The following MTBP variants were observed in gnomAD, a reference collection of about 807,000 sequenced individuals.
MTBP encodes mdm2-binding protein.
In MTBP, 101 loss-of-function variants were observed where a neutral mutation model predicts 117.0. That is an observed-to-expected ratio of 0.86 (90% CI 0.73 to 1.02). MTBP has a LOEUF of 1.02. Ranked by LOEUF, MTBP falls within the 50% of genes least tolerant of loss-of-function variation. The pLI is 0.00. For missense variants in MTBP, 970 were observed against 1,030.9 expected, an observed-to-expected ratio of 0.94 and a Z score of 0.81; for synonymous variants, 350 against 351.5, an observed-to-expected ratio of 1.00 and a Z score of 0.05.
chr8:120,461,488 C>T (rs913600851), intron 9 of MTBP, among the ~76,000 whole-genome samples: 1 of 152,128 alleles, frequency 6.6e-6, no homozygotes, highest in Non-Finnish European at 1.5e-5. Context: ...AAATCTTCCT[C>T]CCTATGCAAG....
In MTBP at chr8:120,461,273, T is replaced by C. The variant is rs576726408; in HGVS notation, c.977+18T>C. 3 of 1,499,728 alleles carry C rather than the reference T, an allele frequency of 2.0e-6. No homozygotes were observed. Among genetic ancestry groups the C allele is most frequent in the African/African-American group, 2.8e-5 (2 of 72,434 alleles). 92.9% of individuals were successfully genotyped at this position (1,499,728 alleles called of 1,614,324 possible). Reference sequence around the variant, plus strand: ...TTTGAGTTGTATCCTTTCATTTACATGTTCATTTTAGATTACATTTTCTGT... The same window carrying C: ...TTTGAGTTGTATCCTTTCATTTACACGTTCATTTTAGATTACATTTTCTGT... On this transcript the variant is annotated intron_variant, in intron 9 of 21. Transcript: ENST00000305949.
intron 17 of MTBP, among the ~76,000 whole-genome samples, chr8:120,510,876 C>T (rs1814790225): frequency 1.3e-5 from 2 of 151,182 alleles, no homozygotes; most frequent in South Asian, 2.1e-4. Flanking sequence ...TGCCACTGCA[C>T]TCCTGCTGGG....
intron 11 of MTBP, chr8:120,472,181 T>C (rs1002082179): frequency 6.6e-6 from 1 of 152,244 alleles, no homozygotes; most frequent in African/African-American, 2.4e-5. Flanking sequence ...GAATACAGTT[T>C]TAAAATCAGT....
At chr8:120,463,589 T>A in intron 9 of MTBP, 103 bp from the exon 10 acceptor site, 2 of 924,130 alleles carry the variant, frequency 2.2e-6, no homozygotes, top group Admixed American at 2.4e-5. Context: ...TTTTAATAGA[T>A]GAATTTAAGC....
intron 12 of MTBP, among the ~76,000 whole-genome samples, chr8:120,490,068 T>C (rs999164389): frequency 4.6e-5 from 7 of 152,180 alleles, no homozygotes; most frequent in Non-Finnish European, 8.8e-5. Flanking sequence ...CTAGGTTGGA[T>C]TCATTGTGGA....
Position 120,451,025 on chromosome 8 carries a change from TG to T in MTBP, c.224del (p.Gly75ValfsTer92), listed in dbSNP as rs1396364643. ...FPACSVGGIPGSKKWFFAVQA... is the reference protein window; with the variant it reads ...FPACSVGGIPXSKKWFFAVQA... ...AAGCCTGTTCAGTGGGAGGTATACC[TG>T]GTTCCAAGAAGTGGTTCTTTGCAGT... On this transcript the variant is annotated frameshift_variant, in exon 3 of 22. Transcript: ENST00000305949. LOFTEE classifies it high-confidence loss of function. 1 of 1,612,212 alleles carries T rather than the reference TG, an allele frequency of 6.2e-7. No individual in the cohort carries two copies. The highest frequency in any genetic ancestry group is 8.5e-7 in the Non-Finnish European group (1 of 1,179,326).
chr8:120,494,549 G>A (rs1006963412), intron 13 of MTBP, among the ~76,000 whole-genome samples: 4 of 152,040 alleles, frequency 2.6e-5, no homozygotes, highest in African/African-American at 4.8e-5. Flanking sequence ...AATAATGTAC[G>A]TATGCTGCTA....
In MTBP at chr8:120,517,958, T is replaced by C. The variant is rs1411781809; in HGVS notation, c.2354T>C (p.Leu785Ser). The change falls in exon 19 of 22, where the codon TTA becomes TCA. Residue 785 changes from leucine (L) to serine (S), a missense_variant. Physicochemically the swap from Leu to Ser is moderately radical, Grantham distance 145. Coordinates refer to ENST00000305949, the MANE Select transcript of MTBP (RefSeq NM_022045.5). ...AGAAAGCCACAAACAGAACGGTCCTTACCAGTGACTTGTCCATTGGTTCCA... is the reference window on the plus strand; with the variant it reads ...AGAAAGCCACAAACAGAACGGTCCTCACCAGTGACTTGTCCATTGGTTCCA... Reference protein sequence around the residue: ...TSRKPQTERSLPVTCPLVPIP... With the variant: ...TSRKPQTERSSPVTCPLVPIP... 1 of 1,612,820 alleles carries C rather than the reference T, an allele frequency of 6.2e-7. No homozygotes were observed. The highest frequency in any genetic ancestry group is 1.1e-5 in the South Asian group (1 of 91,044).
chr8:120,472,083 A>C (rs942913336), intron 11 of MTBP: 68 of 152,144 alleles, frequency 4.5e-4, no homozygotes, highest in African/African-American at 1.6e-3. Context: ...AGTTTTTGTG[A>C]CCCATAATGT....
At chr8:120,453,511 T>G (rs989392394) in intron 4 of MTBP, among the ~76,000 whole-genome samples, 1 of 152,138 alleles carries the variant, frequency 6.6e-6, no homozygotes, top group African/African-American at 2.4e-5. Context: ...TTTGGTCTGT[T>G]AGTTATGATT....
chr8:120,466,344 T>G (rs1813693484), intron 10 of MTBP, among the ~76,000 whole-genome samples: 1 of 150,846 alleles, frequency 6.6e-6, no homozygotes, highest in South Asian at 2.1e-4. Context: ...CTCAACTACC[T>G]AGAACTACAA....
chr8:120,490,510 A>G lies in MTBP; in HGVS notation c.1387A>G (p.Ile463Val). 6.2e-7 allele frequency: 1 copy of G among 1,608,938 alleles called. No homozygotes were observed. Among genetic ancestry groups the G allele is most frequent in the Non-Finnish European group, 8.5e-7 (1 of 1,178,690 alleles). ...ACTTCCACATTTTTCTGGGGAGCAGATTGTACAGAGAGAGAAACAGTTAGC... is the reference window on the plus strand; with the variant it reads ...ACTTCCACATTTTTCTGGGGAGCAGGTTGTACAGAGAGAGAAACAGTTAGC... ...LSLPHFSGEQ[I>V]VQREKQLANV... The change falls in exon 13 of 22, where the codon ATT becomes GTT. Residue 463 changes from isoleucine to valine, a missense_variant. By Grantham distance (29) the Ile-to-Val change is conservative. Transcript: ENST00000305949.
chr8:120,518,144 CTT>C (rs34340354), intron 19 of MTBP, 44 bp downstream of exon 19: 996,804 of 1,555,266 alleles, frequency 0.64, 329,031 homozygotes, highest in Non-Finnish European at 0.68. Flanking sequence ...CATAGGAAGA[CTT>C]TTTAAATTTG....
Position 120,522,859 on chromosome 8 carries a change from C to T in MTBP, c.2676+140C>T, listed in dbSNP as rs1024220169. On this transcript the variant is annotated intron_variant, in intron 21 of 21. Coordinates refer to ENST00000305949, the MANE Select transcript of MTBP (RefSeq NM_022045.5). Reference sequence around the variant, plus strand: ...GTCCCTATGAAAACTCTTTAAGAAACTTCATAGGCTTATTTAGGCTGAGTA... The same window carrying T: ...GTCCCTATGAAAACTCTTTAAGAAATTTCATAGGCTTATTTAGGCTGAGTA... The T allele has an allele frequency of 2.1e-5, 13 of 604,974 alleles. No individual in the cohort carries two copies. In the Admixed American group the frequency reaches 4.3e-4, roughly 20 times the overall value. The allele number at this position is 604,974 out of a possible 1,614,324, so 37.5% of individuals were successfully genotyped here. A position where few individuals can be genotyped will look rare whatever the true frequency, so the allele number is the denominator to read the frequency against.
intron 21 of MTBP, 84 bp from the exon 22 acceptor site, chr8:120,523,214 T>C: frequency 2.2e-6 from 2 of 897,438 alleles, no homozygotes; most frequent in Admixed American, 4.7e-5. Flanking sequence ...TCTACCATGT[T>C]CTTTTGAAGT....
chr8:120,505,611 G>A (rs1386689649), intron 15 of MTBP, among the ~76,000 whole-genome samples: 1 of 152,138 alleles, frequency 6.6e-6, no homozygotes, highest in Non-Finnish European at 1.5e-5. Context: ...GTAATTATCA[G>A]TAATTATGCT....
At chr8:120,516,715 A>C (rs1020791317) in intron 18 of MTBP, among the ~76,000 whole-genome samples, 4 of 152,036 alleles carry the variant, frequency 2.6e-5, no homozygotes, top group Admixed American at 2.6e-4. Context: ...ACTTGATCAG[A>C]AGTTAGAAGT....
At chr8:120,457,392 G>T (rs1813491343) in intron 7 of MTBP, among the ~76,000 whole-genome samples, 1 of 152,092 alleles carries the variant, frequency 6.6e-6, no homozygotes, top group Non-Finnish European at 1.5e-5. Flanking sequence ...TTTATTTAGG[G>T]TAGCATGGGA....
chr8:120,517,504 C>G (rs1392161076), intron 18 of MTBP, among the ~76,000 whole-genome samples: 1 of 152,042 alleles, frequency 6.6e-6, no homozygotes, highest in East Asian at 1.9e-4. Context: ...GTTAGTTACT[C>G]ATCTGAAGAA....
Sources: gnomAD v4.1 joint callset for allele counts (sites outside exome capture counted in the v4.1 genomes callset) on GRCh38, gnomAD v4.1.1 for gene constraint, MANE v1.5 for transcripts, NCBI Gene and HGNC (gene_info 2026-07-23, HGNC 2026-07-21) for gene names.